The following TEX14 variants were observed in gnomAD, a reference collection of about 807,000 sequenced individuals.
TEX14 encodes inactive serine/threonine-protein kinase TEX14.
Under a neutral mutation model 178.6 loss-of-function variants are expected in TEX14, and 168 were observed. The ratio of observed to expected loss-of-function variants is 0.94; its 90% CI spans 0.83 to 1.07. The LOEUF (loss-of-function observed/expected upper bound fraction) is 1.07. Among genes scored for constraint, TEX14 ranks in the 50% least tolerant of loss-of-function variants. The probability of loss-of-function intolerance (pLI) is 0.00; values close to 1 mark genes in which losing one functional copy is unlikely to be tolerated. For missense variants in TEX14, 1,730 were observed against 1,753.6 expected (o/e 0.99, Z 0.24); for synonymous variants, 626 against 634.1 (o/e 0.99, Z 0.19).
intron 3 of TEX14, among the ~76,000 whole-genome samples, chr17:58,628,341 G>A (rs2046197086): frequency 6.6e-6 from 1 of 152,122 alleles, no homozygotes; most frequent in African/African-American, 2.4e-5. Flanking sequence ...CACTTTGGGA[G>A]ACTGAGGCGG....
chr17:58,617,728 T>C (rs1181478403), intron 5 of TEX14, 109 bp from the exon 6 acceptor site: 7 of 702,972 alleles, frequency 1.0e-5, no homozygotes, highest in Non-Finnish European at 1.6e-5. Flanking sequence ...TCTTTACTGC[T>C]AGACTTTCTG....
intron 1 of TEX14, among the ~76,000 whole-genome samples, chr17:58,674,292 A>G (rs1025534709): frequency 2.0e-5 from 3 of 149,830 alleles, no homozygotes; most frequent in African/African-American, 4.9e-5. Context: ...AAAAAAGGAA[A>G]CCCTTGATTT....
At chr17:58,608,193 G>A (rs1473643949) in intron 10 of TEX14, among the ~76,000 whole-genome samples, 3 of 152,156 alleles carry the variant, frequency 2.0e-5, no homozygotes, top group Non-Finnish European at 4.4e-5. Context: ...TGAGGCGGGT[G>A]GATCACAAGG....
intron 18 of TEX14, 58 bp downstream of exon 18, chr17:58,585,743 C>T: frequency 6.3e-7 from 1 of 1,580,296 alleles, no homozygotes; most frequent in Admixed American, 1.7e-5. Flanking sequence ...GCTGAGCCAC[C>T]TCGCCCGACT....
At chr17:58,611,453 C>T in intron 9 of TEX14, 114 bp from the exon 10 acceptor site, 1 of 769,472 alleles carries the variant, frequency 1.3e-6, no homozygotes, top group Non-Finnish European at 2.1e-6. Context: ...CCAAGGATCC[C>T]CATTTTACAG....
Position 58,572,082 on chromosome 17 carries a change from T to C in TEX14, c.3556A>G (p.Ser1186Gly), listed in dbSNP as rs1187438291. 6.2e-7 allele frequency: 1 copy of C among 1,614,048 alleles called. No individual in the cohort carries two copies. Among genetic ancestry groups the C allele is most frequent in the African/African-American group, 1.3e-5 (1 of 74,944 alleles). Residue 1186 changes from serine (S) to glycine (G), a missense_variant, in exon 24 of 32, where the codon AGT (serine) becomes GGT (glycine). By Grantham distance (56) the Ser-to-Gly change is moderately conservative. Around this residue, in one of 2 missense-constraint regions of TEX14, gnomAD observed 941 missense variants for 1,072.4 expected, o/e 0.88. Coordinates refer to ENST00000349033, the MANE Select transcript of TEX14 (RefSeq NM_031272.5). ...TCTGTCTTAACCTGAAATGTGATAC[T>C]TTCAAGGCAGTCTTTATACTGACTG... is the stretch of plus-strand genomic sequence containing the variant. ...AASQYKDCLESITFQVKTEFA... is the reference protein window; with the variant it reads ...AASQYKDCLEGITFQVKTEFA...
At position 58,569,347 on chromosome 17, in the gene TEX14, A is replaced by T. The variant is rs2044471408; in HGVS notation, c.3818-87T>A. The T allele has an allele frequency of 6.2e-6, 6 of 974,812 alleles. No individual in the cohort carries two copies. Among genetic ancestry groups the T allele is most frequent in the South Asian group, 4.2e-5 (3 of 70,994 alleles). 60.4% of individuals were successfully genotyped at this position (974,812 alleles called of 1,614,324 possible). On this transcript the variant is annotated intron_variant, in intron 25 of 31. Coordinates refer to ENST00000349033, the MANE Select transcript of TEX14 (RefSeq NM_031272.5). The surrounding 1 kb of genome is among the most constrained non-coding windows in gnomAD (Gnocchi z 4.1). The stretch of plus-strand genomic sequence containing the variant: ...TTTTCTCGGCTCTCACATAGACTTG[A>T]CTGAGGATTTCTCTCAATGATGAAA...
chr17:58,655,729 C>A (rs890424986), intron 1 of TEX14, among the ~76,000 whole-genome samples: 1 of 152,190 alleles, frequency 6.6e-6, no homozygotes, highest in African/African-American at 2.4e-5. Flanking sequence ...CATTTCGGCA[C>A]CCCGAGACGA....
At chr17:58,689,958 T>C (rs2047664745) in intron 1 of TEX14, among the ~76,000 whole-genome samples, 1 of 151,292 alleles carries the variant, frequency 6.6e-6, no homozygotes, top group African/African-American at 2.4e-5. Context: ...CATGCAATTC[T>C]CCTGCCTCAG....
At chr17:58,614,207 G>A (rs1449315655) in intron 8 of TEX14, among the ~76,000 whole-genome samples, 3 of 152,130 alleles carry the variant, frequency 2.0e-5, no homozygotes, top group Non-Finnish European at 4.4e-5. Context: ...GGAAATGTCA[G>A]GGCCTGGTGC....
At chr17:58,665,035 C>T (rs985786809) in intron 1 of TEX14, among the ~76,000 whole-genome samples, 1 of 152,148 alleles carries the variant, frequency 6.6e-6, no homozygotes, top group Non-Finnish European at 1.5e-5. Context: ...TACAGCAAGG[C>T]TCTCTGGAAA....
At chr17:58,642,529 T>A (rs1567754244) in intron 2 of TEX14, among the ~76,000 whole-genome samples, 1 of 151,702 alleles carries the variant, frequency 6.6e-6, no homozygotes, top group Non-Finnish European at 1.5e-5. Context: ...TTTATTTTAT[T>A]TTATTTATTT....
At chr17:58,590,570 G>C (rs2045108398) in intron 15 of TEX14, among the ~76,000 whole-genome samples, 1 of 150,734 alleles carries the variant, frequency 6.6e-6, no homozygotes, top group African/African-American at 2.5e-5. Context: ...TGTTGTTGTT[G>C]TTTGAGACAG....
intron 2 of TEX14, among the ~76,000 whole-genome samples, chr17:58,642,118 C>A (rs2046589443): frequency 6.6e-6 from 1 of 152,208 alleles, no homozygotes; most frequent in South Asian, 2.1e-4. Flanking sequence ...GGAAGCCTAC[C>A]CATTTACTTC....
intron 1 of TEX14, among the ~76,000 whole-genome samples, chr17:58,659,135 T>C (rs934108943): frequency 6.6e-6 from 1 of 150,912 alleles, no homozygotes; most frequent in African/African-American, 2.5e-5. Flanking sequence ...TCTTTTAAAC[T>C]AGTTCAATCA....
At chr17:58,669,744 A>G (rs1368740406) in intron 1 of TEX14, among the ~76,000 whole-genome samples, 1 of 151,566 alleles carries the variant, frequency 6.6e-6, no homozygotes, top group Non-Finnish European at 1.5e-5. Context: ...AAAAAAAAAA[A>G]AAAAAAAAAA....
intron 19 of TEX14, 84 bp from the exon 20 acceptor site, chr17:58,579,815 T>C: frequency 1.8e-6 from 2 of 1,121,342 alleles, no homozygotes; most frequent in Non-Finnish European, 2.6e-6. Flanking sequence ...TTGATGTTCT[T>C]AAATCTTGAA....
Position 58,622,914 on chromosome 17 carries a change from A to G in TEX14, c.350T>C (p.Leu117Pro). ...KLLDAGGDLR[L>P]HDERGQNPKT... ...CGGGTTTTGACCCCTCTCATCGTGG[A>G]GTCGCAGGTCACCTCCTGCATCCAG... The change falls in exon 4 of 32, where the codon CTC (leucine) becomes CCC (proline). Residue 117 changes from leucine (L) to proline (P), a missense_variant. Leu to Pro is a moderately conservative substitution (Grantham distance 98). Transcript: ENST00000349033. 6.2e-7 allele frequency: 1 copy of G among 1,613,378 alleles called. No individual in the cohort carries two copies. Among genetic ancestry groups the G allele is most frequent in the Non-Finnish European group, 8.5e-7 (1 of 1,179,418 alleles).
chr17:58,592,197 A>C (rs1338744082), intron 15 of TEX14, among the ~76,000 whole-genome samples: 2 of 151,904 alleles, frequency 1.3e-5, no homozygotes, highest in African/African-American at 4.8e-5. Flanking sequence ...CACACACCAA[A>C]TAAATTTGTT....
Sources: allele counts gnomAD v4.1 joint callset (sites outside exome capture counted in the v4.1 genomes callset), GRCh38; gene constraint gnomAD v4.1.1; regional missense constraint gnomAD v4.1.1; non-coding constraint Gnocchi (gnomAD v3.1); transcripts MANE v1.5; gene names NCBI Gene and HGNC (gene_info 2026-07-23, HGNC 2026-07-21).